Variants in MND1 observed in about 807,000 individuals in gnomAD.
The protein encoded by MND1 is meiotic nuclear division protein 1 homolog.
In MND1, 28 loss-of-function variants were observed where a neutral mutation model predicts 35.1. The ratio of observed to expected loss-of-function variants is 0.80; its 90% CI spans 0.59 to 1.09. The LOEUF (loss-of-function observed/expected upper bound fraction) is 1.09. Among genes scored for constraint, MND1 ranks in the 50% least tolerant of loss-of-function variants. The pLI, the probability that MND1 is intolerant of heterozygous loss-of-function variation, is 0.00. For synonymous variants in MND1, 69 were observed against 70.5 expected (o/e 0.98, Z 0.11); for missense variants, 213 against 239.6 (o/e 0.89, Z 0.73).
intron 4 of MND1, among the ~76,000 whole-genome samples, chr4:153,383,532 C>G (rs1329442508): frequency 6.6e-6 from 1 of 152,196 alleles, no homozygotes. Context: ...TACCTCCTCT[C>G]TCTTTCTCTC....
At chr4:153,387,070 T>C (rs991235338) in intron 4 of MND1, among the ~76,000 whole-genome samples, 1 of 152,242 alleles carries the variant, frequency 6.6e-6, no homozygotes, top group African/African-American at 2.4e-5. Context: ...ATACTAGTTA[T>C]ATATGCTCAT....
chr4:153,408,699 T>C (rs1290332537), intron 6 of MND1, among the ~76,000 whole-genome samples: 2 of 152,038 alleles, frequency 1.3e-5, no homozygotes, highest in African/African-American at 4.8e-5. Flanking sequence ...TGATGGACAC[T>C]TAGGAAAGGG....
chr4:153,375,678 A>C (rs1728483395), intron 4 of MND1, among the ~76,000 whole-genome samples: 1 of 152,122 alleles, frequency 6.6e-6, no homozygotes, highest in Admixed American at 6.6e-5. Flanking sequence ...TTTTCCTGTC[A>C]GAATGTTTTT....
At chr4:153,364,441 TAA>T (rs1450054747) in intron 4 of MND1, among the ~76,000 whole-genome samples, 1 of 151,468 alleles carries the variant, frequency 6.6e-6, no homozygotes, top group African/African-American at 2.4e-5. Context: ...CGCGTGAGCC[TAA>T]GAGTTTGAGG....
Position 153,400,675 on chromosome 4 carries a change from A to G in MND1, c.466+3342A>G, listed in dbSNP as rs556430408. On this transcript the variant is annotated intron_variant, in intron 6 of 7. Transcript: ENST00000240488. ...TGTAGTGAGCTATGGTCGTGCCACT[A>G]TACTCCAGCCTGGGCAACCGAGTGA... is the stretch of plus-strand genomic sequence containing the variant. 2.0e-5 allele frequency among the ~76,000 whole-genome samples: 3 copies of G among 152,208 alleles called. No homozygotes were observed. The East Asian group carries it at 5.8e-4, about 29-fold the overall frequency.
intron 4 of MND1, among the ~76,000 whole-genome samples, chr4:153,373,040 A>G (rs1365776103): frequency 1.3e-5 from 2 of 150,466 alleles, no homozygotes; most frequent in South Asian, 4.2e-4. Context: ...TAATAGTAGC[A>G]TGGCATATCT....
intron 4 of MND1, among the ~76,000 whole-genome samples, chr4:153,384,165 T>A (rs1443651532): frequency 6.6e-6 from 1 of 152,070 alleles, no homozygotes; most frequent in Non-Finnish European, 1.5e-5. Flanking sequence ...CTTAACTACT[T>A]CTTAATATTT....
chr4:153,371,494 G>A (rs948943916), intron 4 of MND1, among the ~76,000 whole-genome samples: 7 of 152,004 alleles, frequency 4.6e-5, no homozygotes, highest in East Asian at 3.8e-4. Context: ...TTGAAACCTC[G>A]TCTTGCACTT....
intron 5 of MND1, among the ~76,000 whole-genome samples, chr4:153,395,131 A>C (rs985643928): frequency 1.3e-5 from 2 of 152,214 alleles, no homozygotes; most frequent in Non-Finnish European, 2.9e-5. Context: ...TTTTATGTGA[A>C]TCATCAGCAC....
chr4:153,382,112 C>T (rs1728728129), intron 4 of MND1: 1 of 152,004 alleles, frequency 6.6e-6, no homozygotes, highest in Admixed American at 6.6e-5. Flanking sequence ...ATGGTTTAAA[C>T]ATCCAGGCCT....
chr4:153,349,066 T>G (rs1428922293), intron 1 of MND1, among the ~76,000 whole-genome samples: 1 of 151,368 alleles, frequency 6.6e-6, no homozygotes, highest in Non-Finnish European at 1.5e-5. Flanking sequence ...GTTTTTTTAT[T>G]AGAGAACTGG....
intron 4 of MND1, among the ~76,000 whole-genome samples, chr4:153,379,289 C>CAAAAAAAAA (rs35306831): frequency 1.3e-5 from 1 of 74,892 alleles, no homozygotes; most frequent in African/African-American, 4.4e-5. Context: ...GACTCTGTCT[C>CAAAAAAAAA]AAAAAAAAAA....
chr4:153,407,965 A>C (rs1171296491), intron 6 of MND1, among the ~76,000 whole-genome samples: 1 of 152,156 alleles, frequency 6.6e-6, no homozygotes, highest in Non-Finnish European at 1.5e-5. Flanking sequence ...TGGTTGTACA[A>C]TTTTGTGACT....
chr4:153,404,310 T>C (rs1469135979), intron 6 of MND1, among the ~76,000 whole-genome samples: 3 of 148,892 alleles, frequency 2.0e-5, no homozygotes, highest in Non-Finnish European at 3.0e-5. Context: ...GCCTCCTAAG[T>C]AGCTGAGACT....
intron 5 of MND1, among the ~76,000 whole-genome samples, chr4:153,395,447 G>T (rs1021135691): frequency 1.3e-5 from 2 of 152,154 alleles, no homozygotes; most frequent in African/African-American, 4.8e-5. Context: ...GATATCAGAA[G>T]AGTTTAGTGG....
Position 153,406,079 on chromosome 4 carries a change from C to T in MND1, c.467-2892C>T, listed in dbSNP as rs983487324. On this transcript the variant is annotated intron_variant, in intron 6 of 7. Coordinates refer to ENST00000240488, the MANE Select transcript of MND1 (RefSeq NM_032117.4). Reference sequence around the variant, plus strand: ...CCTCCCAAAGTGCTGGGATTACAGGCGTGAGCCACTGTGCCAGGCCGGATT... The same window carrying T: ...CCTCCCAAAGTGCTGGGATTACAGGTGTGAGCCACTGTGCCAGGCCGGATT... Among the ~76,000 whole-genome samples, 8 of 152,060 alleles carry T rather than the reference C, an allele frequency of 5.3e-5. No individual in the cohort carries two copies. The South Asian group carries it at 6.2e-4, about 12-fold the overall frequency.
rs1013144832 is a variant in MND1, at chr4:153,364,436, G to A, written c.276+5814G>A. Among the ~76,000 whole-genome samples the A allele has an allele frequency of 3.3e-5, 5 of 152,010 alleles. No homozygotes were observed. The South Asian group carries it at 1.0e-3, about 32-fold the overall frequency. On this transcript the variant is annotated intron_variant, in intron 4 of 7. Transcript: ENST00000240488. ...AGAGGCTGAGGTGGGAGGATCGCGT[G>A]AGCCTAAGAGTTTGAGGTTGCAGTG... is the stretch of plus-strand genomic sequence containing the variant.
intron 1 of MND1, 137 bp from the exon 2 acceptor site, chr4:153,349,927 T>C: frequency 1.7e-6 from 1 of 578,988 alleles, no homozygotes; most frequent in East Asian, 2.9e-5. Context: ...TTAAAATGAG[T>C]CTTTAGGTCT....
At chr4:153,395,099 C>A (rs1729162032) in intron 5 of MND1, among the ~76,000 whole-genome samples, 2 of 152,156 alleles carry the variant, frequency 1.3e-5, no homozygotes. Context: ...TTTATGCTTT[C>A]AAAGTTATTT....
Sources: gnomAD v4.1 joint callset for allele counts (sites outside exome capture counted in the v4.1 genomes callset) on GRCh38, gnomAD v4.1.1 for gene constraint, MANE v1.5 for transcripts, NCBI Gene and HGNC (gene_info 2026-07-23, HGNC 2026-07-21) for gene names.